Variants in GABRB1 observed in about 807,000 individuals in gnomAD.
GABRB1 encodes the protein gamma-aminobutyric acid type A receptor subunit beta1.
Under a neutral mutation model 51.6 loss-of-function variants are expected in GABRB1, and 17 were observed. The observed-to-expected ratio is 0.33, with a 90% CI of 0.23 to 0.49. The LOEUF is 0.49. Among genes scored for constraint, GABRB1 ranks in the 20% least tolerant of loss-of-function variants. GABRB1 has a pLI of 0.99. For synonymous variants in GABRB1, 247 were observed against 218.9 expected (o/e 1.13, Z -1.14); for missense variants, 410 against 600.6 (o/e 0.68, Z 3.32).
chr4:47,245,896 C>T, intron 4 of GABRB1, among the ~76,000 whole-genome samples: 1 of 148,162 alleles, frequency 6.7e-6, no homozygotes, highest in Non-Finnish European at 1.5e-5. Flanking sequence ...ACTATTTTTT[C>T]CCTTTTCTGT....
At chr4:47,031,081 G>A (rs771984107), upstream of GABRB1, among the ~76,000 whole-genome samples, 13 of 152,098 alleles carry the variant, frequency 8.5e-5, no homozygotes, top group East Asian at 1.9e-4. Flanking sequence ...TACGTCCTGA[G>A]TTTCCTCTGT....
intron 4 of GABRB1, among the ~76,000 whole-genome samples, chr4:47,305,319 G>A (rs1441935646): frequency 6.6e-6 from 1 of 151,998 alleles, no homozygotes; most frequent in East Asian, 1.9e-4. Context: ...GACTAAAAAT[G>A]ATTTTTAATG....
intron 4 of GABRB1, among the ~76,000 whole-genome samples, chr4:47,219,991 A>C (rs1387816753): frequency 6.6e-6 from 1 of 151,946 alleles, no homozygotes; most frequent in Non-Finnish European, 1.5e-5. Context: ...TATATTCTTA[A>C]ATTTCTGCCA....
At chr4:47,204,090 G>A (rs1202598189) in intron 4 of GABRB1, among the ~76,000 whole-genome samples, 1 of 152,168 alleles carries the variant, frequency 6.6e-6, no homozygotes, top group African/African-American at 2.4e-5. Flanking sequence ...TAAAGGAGGT[G>A]GATGTATCTG....
intron 5 of GABRB1, among the ~76,000 whole-genome samples, chr4:47,389,924 C>A (rs2110037702): frequency 6.6e-6 from 1 of 152,262 alleles, no homozygotes; most frequent in Non-Finnish European, 1.5e-5. Context: ...TATTTTCTAA[C>A]AATAGTTGAA....
rs146942853 is a variant in GABRB1, at chr4:47,283,856, G to A, written c.462-36271G>A. Among the ~76,000 whole-genome samples the A allele has an allele frequency of 1.5e-3, 222 of 152,212 alleles. 2 individuals carry two copies. The highest frequency in any genetic ancestry group is 5.1e-3 in the African/African-American group (213 of 41,554). Reference sequence around the variant, plus strand: ...ATTTGTGGTGAAACTCTCTTAGACTGTTGTACCATACTGTCCTTCAGTATT... The same window carrying A: ...ATTTGTGGTGAAACTCTCTTAGACTATTGTACCATACTGTCCTTCAGTATT... On this transcript the variant is annotated intron_variant, in intron 4 of 8. Coordinates refer to ENST00000295454, the MANE Select transcript of GABRB1 (RefSeq NM_000812.4).
chr4:47,100,876 T>A (rs972004030), intron 3 of GABRB1, among the ~76,000 whole-genome samples: 59 of 152,016 alleles, frequency 3.9e-4, no homozygotes, highest in Admixed American at 1.4e-3. Context: ...TATGCAAATA[T>A]CCTGCAAGAG....
chr4:47,038,118 T>A (rs1725675871), intron 3 of GABRB1, among the ~76,000 whole-genome samples: 1 of 152,154 alleles, frequency 6.6e-6, no homozygotes, highest in African/African-American at 2.4e-5. Context: ...AATAAAAAAA[T>A]CTTTGTCTCC....
At chr4:47,360,853 G>T (rs1458110043) in intron 5 of GABRB1, among the ~76,000 whole-genome samples, 1 of 152,022 alleles carries the variant, frequency 6.6e-6, no homozygotes, top group Non-Finnish European at 1.5e-5. Flanking sequence ...TCAAGTTGTG[G>T]TCAGAAATAA....
At chr4:47,290,056 A>T (rs1016981316) in intron 4 of GABRB1, among the ~76,000 whole-genome samples, 1 of 152,214 alleles carries the variant, frequency 6.6e-6, no homozygotes, top group African/African-American at 2.4e-5. Context: ...GTAGATTTCT[A>T]TAGCATATGT....
intron 4 of GABRB1, among the ~76,000 whole-genome samples, chr4:47,222,089 A>G (rs144362288): frequency 6.6e-6 from 1 of 152,274 alleles, no homozygotes; most frequent in African/African-American, 2.4e-5. Context: ...CTGCAAATGT[A>G]CATCTGTTTA....
At chr4:47,289,292 A>T (rs372324666) in intron 4 of GABRB1, among the ~76,000 whole-genome samples, 1 of 152,174 alleles carries the variant, frequency 6.6e-6, no homozygotes, top group East Asian at 1.9e-4. Flanking sequence ...TTTTAAATGA[A>T]CTCACTCAGA....
intron 3 of GABRB1, among the ~76,000 whole-genome samples, chr4:47,157,795 TC>T (rs1717768482): frequency 6.6e-6 from 1 of 152,104 alleles, no homozygotes; most frequent in African/African-American, 2.4e-5. Context: ...GTTATCAATA[TC>T]ATATGTCTGT....
At chr4:47,168,234 A>G (rs1362293103) in intron 4 of GABRB1, among the ~76,000 whole-genome samples, 1 of 152,136 alleles carries the variant, frequency 6.6e-6, no homozygotes, top group African/African-American at 2.4e-5. Context: ...CTGCAACACT[A>G]TGAGCTATGT....
chr4:47,215,813 C>A (rs1302363919), intron 4 of GABRB1, among the ~76,000 whole-genome samples: 1 of 152,014 alleles, frequency 6.6e-6, no homozygotes, highest in African/African-American at 2.4e-5. Flanking sequence ...TGCTCAAACA[C>A]CCTAGAATGG....
At chr4:47,004,235 C>T (rs918641749) in intron 1 of GABRB1, among the ~76,000 whole-genome samples, 1 of 152,142 alleles carries the variant, frequency 6.6e-6, no homozygotes, top group African/African-American at 2.4e-5. Context: ...GATCTGCCTG[C>T]CTCGGCCTTT....
At chr4:47,138,126 A>G (rs1716755375) in intron 3 of GABRB1, among the ~76,000 whole-genome samples, 1 of 152,042 alleles carries the variant, frequency 6.6e-6, no homozygotes, top group Non-Finnish European at 1.5e-5. Context: ...CAAAAAATTG[A>G]TGGGACTCTA....
chr4:47,339,919 C>T (rs1648049472), intron 5 of GABRB1, among the ~76,000 whole-genome samples: 1 of 151,804 alleles, frequency 6.6e-6, no homozygotes, highest in East Asian at 1.9e-4. Flanking sequence ...TGCTGAAAAG[C>T]CATAGTCCAC....
chr4:47,259,472 A>G (rs1216719266), intron 4 of GABRB1, among the ~76,000 whole-genome samples: 1 of 152,204 alleles, frequency 6.6e-6, no homozygotes, highest in Non-Finnish European at 1.5e-5. Flanking sequence ...CAGGCAAGAC[A>G]GTGTTCAGTG....
Sources: allele counts gnomAD v4.1 joint callset (sites outside exome capture counted in the v4.1 genomes callset), GRCh38; gene constraint gnomAD v4.1.1; transcripts MANE v1.5; gene names NCBI Gene and HGNC (gene_info 2026-07-23, HGNC 2026-07-21).